SULF1: variants seen among roughly 807,000 people sequenced by gnomAD.
SULF1 encodes extracellular sulfatase Sulf-1.
Under a neutral mutation model 110.5 loss-of-function variants are expected in SULF1, and 46 were observed. The ratio of observed to expected loss-of-function variants is 0.42; its 90% CI spans 0.33 to 0.53. SULF1 has a LOEUF of 0.53. Among genes scored for constraint, SULF1 ranks in the 20% least tolerant of loss-of-function variants. The probability of loss-of-function intolerance (pLI) is 0.12; values close to 1 mark genes in which losing one functional copy is unlikely to be tolerated. For synonymous variants in SULF1, 371 were observed against 387.1 expected (o/e 0.96, Z 0.49); for missense variants, 941 against 1,094.2 (o/e 0.86, Z 1.98).
upstream of SULF1, among the ~76,000 whole-genome samples, chr8:69,488,187 G>C (rs1049502651): frequency 3.3e-5 from 5 of 152,076 alleles, no homozygotes; most frequent in Non-Finnish European, 7.4e-5. Context: ...TGAGACTCTG[G>C]AAATATATTA....
At chr8:69,516,276 C>T (rs1811912340) in intron 3 of SULF1, among the ~76,000 whole-genome samples, 1 of 152,010 alleles carries the variant, frequency 6.6e-6, no homozygotes, top group Admixed American at 6.6e-5. Flanking sequence ...GGGGAGGCCT[C>T]AGGAGACTTA....
chr8:69,592,537 CCTCA>C (rs1042703889), intron 8 of SULF1, among the ~76,000 whole-genome samples: 4 of 152,136 alleles, frequency 2.6e-5, no homozygotes, highest in African/African-American at 7.2e-5. Context: ...CCTCAGCTGC[CCTCA>C]CTGAGTGTAG....
chr8:69,622,845 A>G (rs1809721839), intron 14 of SULF1, among the ~76,000 whole-genome samples: 3 of 151,804 alleles, frequency 2.0e-5, no homozygotes, highest in South Asian at 4.2e-4. Flanking sequence ...CAAGGATGGA[A>G]CTCGTAAGCA....
intron 12 of SULF1, among the ~76,000 whole-genome samples, chr8:69,604,080 C>T (rs1238871949): frequency 2.0e-5 from 3 of 152,146 alleles, no homozygotes; most frequent in Admixed American, 6.5e-5. Flanking sequence ...ATATATCACA[C>T]GTACCCCCAA....
chr8:69,649,688 C>G (rs1812182108), intron 22 of SULF1, among the ~76,000 whole-genome samples: 1 of 152,026 alleles, frequency 6.6e-6, no homozygotes, highest in Admixed American at 6.6e-5. Context: ...GATGTTTCAT[C>G]AGGATTGAAT....
At chr8:69,526,477 G>T (rs1812668861) in intron 3 of SULF1, among the ~76,000 whole-genome samples, 1 of 151,484 alleles carries the variant, frequency 6.6e-6, no homozygotes, top group African/African-American at 2.4e-5. Flanking sequence ...ATAGAAAAAG[G>T]CAGGCCAGGC....
chr8:69,518,027 T>C (rs550105583), intron 3 of SULF1, among the ~76,000 whole-genome samples: 1 of 152,242 alleles, frequency 6.6e-6, no homozygotes, highest in South Asian at 2.1e-4. Context: ...TTCAGTTAGT[T>C]GAACTTTTTG....
At chr8:69,515,215 G>A (rs113849046) in intron 3 of SULF1, among the ~76,000 whole-genome samples, 1 of 152,118 alleles carries the variant, frequency 6.6e-6, no homozygotes, top group Non-Finnish European at 1.5e-5. Context: ...GGACATCCAG[G>A]CATGTCCATT....
chr8:69,643,414 TA>T (rs77783841), intron 22 of SULF1, among the ~76,000 whole-genome samples: 7,196 of 130,812 alleles, frequency 0.055, 375 homozygotes, highest in African/African-American at 0.15. Flanking sequence ...TTTAGAAAAC[TA>T]AAAAAAAAAA....
chr8:69,641,539 G>A (rs1811470395), intron 22 of SULF1, among the ~76,000 whole-genome samples: 2 of 152,174 alleles, frequency 1.3e-5, no homozygotes, highest in South Asian at 4.2e-4. Flanking sequence ...GAGTCCAGGA[G>A]TTTGAGACTA....
intron 22 of SULF1, among the ~76,000 whole-genome samples, chr8:69,655,011 GTAA>G (rs1812613355): frequency 6.6e-6 from 1 of 152,160 alleles, no homozygotes; most frequent in Non-Finnish European, 1.5e-5. Flanking sequence ...TTCCTATCCT[GTAA>G]TAATATTTTA....
intron 2 of SULF1, among the ~76,000 whole-genome samples, chr8:69,500,216 G>A (rs984949479): frequency 6.6e-6 from 1 of 152,136 alleles, no homozygotes; most frequent in African/African-American, 2.4e-5. Flanking sequence ...AATGATTGCC[G>A]ATGTTTATTG....
intron 3 of SULF1, among the ~76,000 whole-genome samples, chr8:69,541,166 A>G (rs917697942): frequency 2.6e-5 from 4 of 152,284 alleles, no homozygotes; most frequent in African/African-American, 9.6e-5. Context: ...CCAGGCCTAT[A>G]TATTAATTTC....
Position 69,621,186 on chromosome 8 carries a change from G to C in SULF1, c.1529G>C (p.Gly510Ala), listed in dbSNP as rs372839295. 6 of 1,613,970 alleles carry C rather than the reference G, an allele frequency of 3.7e-6. No homozygotes were observed. The highest frequency in any genetic ancestry group is 2.7e-5 in the African/African-American group (2 of 74,920). Reference sequence around the variant, plus strand: ...AAAGAGTGCAGTTGTAGGGAGTCTGGTTACCGTGCCAGCAGAAGCCAAAGA... The same window carrying C: ...AAAGAGTGCAGTTGTAGGGAGTCTGCTTACCGTGCCAGCAGAAGCCAAAGA... ...KDKECSCRES[G>A]YRASRSQRKS... The change falls in exon 14 of 23, where the codon GGT becomes GCT. Residue 510 changes from glycine (G) to alanine (A), a missense_variant. Transcript: ENST00000402687.
chr8:69,536,247 G>T (rs888878964), intron 3 of SULF1, among the ~76,000 whole-genome samples: 2 of 152,146 alleles, frequency 1.3e-5, no homozygotes, highest in African/African-American at 2.4e-5. Flanking sequence ...TTGTGTACCT[G>T]CTTACATGTG....
intron 13 of SULF1, among the ~76,000 whole-genome samples, chr8:69,617,874 C>T (rs1809301959): frequency 6.6e-6 from 1 of 152,184 alleles, no homozygotes; most frequent in Admixed American, 6.5e-5. Flanking sequence ...GACCTGCTTA[C>T]ATCAGTACAT....
intron 22 of SULF1, among the ~76,000 whole-genome samples, chr8:69,648,117 T>C (rs1812066459): frequency 6.9e-6 from 1 of 144,600 alleles, no homozygotes; most frequent in Non-Finnish European, 1.5e-5. Context: ...TTGGTCCAAA[T>C]ATTGGAAACC....
In SULF1 at chr8:69,658,063, T is replaced by G. The variant is rs1586652518; in HGVS notation, c.2586-442T>G. Reference sequence around the variant, plus strand: ...ATCATACTAAGCATTGCCTATTACATTCAAATACTTTCAAATTTGTCATTC... The same window carrying G: ...ATCATACTAAGCATTGCCTATTACAGTCAAATACTTTCAAATTTGTCATTC... On this transcript the variant is annotated intron_variant, in intron 22 of 22. Transcript: ENST00000402687. Among the ~76,000 whole-genome samples the G allele has an allele frequency of 2.0e-5, 3 of 152,364 alleles. No homozygotes were observed. In the East Asian group the frequency reaches 5.8e-4, roughly 29 times the overall value.
intron 1 of SULF1, among the ~76,000 whole-genome samples, chr8:69,471,142 T>C (rs1809065369): frequency 6.6e-6 from 1 of 152,254 alleles, no homozygotes. Context: ...GACCACTGGT[T>C]ATCTATGGAT....
Sources: allele counts gnomAD v4.1 joint callset (sites outside exome capture counted in the v4.1 genomes callset), GRCh38; gene constraint gnomAD v4.1.1; transcripts MANE v1.5; gene names NCBI Gene and HGNC (gene_info 2026-07-23, HGNC 2026-07-21).